The following CDH2 variants were observed in gnomAD, a reference collection of about 807,000 sequenced individuals.
The protein encoded by CDH2 is cadherin-2.
CDH2 carries 17 observed loss-of-function variants against 92.0 expected under a neutral mutation model. That is an observed-to-expected ratio of 0.18 (90% CI 0.13 to 0.28). CDH2 has a LOEUF of 0.28. Among genes scored for constraint, CDH2 ranks in the 10% least tolerant of loss-of-function variants. CDH2 has a pLI of 1.00. For missense variants in CDH2, 862 were observed against 1,133.1 expected, an observed-to-expected ratio of 0.76 and a Z score of 3.44; for synonymous variants, 419 against 415.9, an observed-to-expected ratio of 1.01 and a Z score of -0.09.
rs1333682107 is a variant in CDH2, at chr18:28,177,060, C to T, written c.-38G>A. 8.9e-7 allele frequency: 1 copy of T among 1,128,662 alleles called. No homozygotes were observed. Among genetic ancestry groups the T allele is most frequent in the Non-Finnish European group, 1.2e-6 (1 of 843,230 alleles). The allele number at this position is 1,128,662 out of a possible 1,614,324, so 69.9% of individuals were successfully genotyped here. Reference sequence around the variant, plus strand: ...GGGCCGAGCGAAGAGCCGGAGGAGGCGGCGGCGGCGGCGGCGGCGGCGGAG... The same window carrying T: ...GGGCCGAGCGAAGAGCCGGAGGAGGTGGCGGCGGCGGCGGCGGCGGCGGAG... On this transcript the variant is annotated 5_prime_UTR_variant, in exon 1 of 16. Coordinates refer to ENST00000269141, the MANE Select transcript of CDH2 (RefSeq NM_001792.5).
chr18:28,137,084 A>T (rs953885518), intron 2 of CDH2, among the ~76,000 whole-genome samples: 7 of 152,240 alleles, frequency 4.6e-5, no homozygotes, highest in African/African-American at 1.7e-4. Flanking sequence ...GCACAGAATA[A>T]GGTAGCAGTC....
intron 2 of CDH2, among the ~76,000 whole-genome samples, chr18:28,044,917 G>A (rs1365284166): frequency 1.3e-5 from 2 of 151,326 alleles, no homozygotes; most frequent in African/African-American, 2.4e-5. Flanking sequence ...TTCTATAAAT[G>A]AGATTCATTA....
intron 15 of CDH2, among the ~76,000 whole-genome samples, chr18:27,961,461 C>G (rs1027829580): frequency 6.6e-6 from 1 of 151,972 alleles, no homozygotes; most frequent in Admixed American, 6.6e-5. Flanking sequence ...TTGGCTGAAT[C>G]CTGAAGGCGA....
chr18:28,070,442 A>C (rs1322326249), intron 2 of CDH2, among the ~76,000 whole-genome samples: 1 of 152,212 alleles, frequency 6.6e-6, no homozygotes, highest in Non-Finnish European at 1.5e-5. Context: ...ACTGATTCCA[A>C]ATCAGATGCT....
chr18:27,949,447 A>G (rs952844723), downstream of CDH2, among the ~76,000 whole-genome samples: 3 of 152,026 alleles, frequency 2.0e-5, no homozygotes, highest in African/African-American at 7.2e-5. Flanking sequence ...AAAATTGGGA[A>G]CAACAAATTA....
chr18:28,014,551 T>C (rs1325846382), intron 2 of CDH2, among the ~76,000 whole-genome samples: 3 of 152,158 alleles, frequency 2.0e-5, no homozygotes, highest in African/African-American at 4.8e-5. Flanking sequence ...AATTTACAAA[T>C]TTCTATTCCT....
intron 2 of CDH2, among the ~76,000 whole-genome samples, chr18:28,111,766 G>A (rs764713057): frequency 1.3e-4 from 20 of 152,096 alleles, no homozygotes; most frequent in Non-Finnish European, 2.4e-4. Context: ...ATATGCAACA[G>A]GGAAAGATTA....
rs2012208817 is a variant in CDH2 at position 27,985,699 on chromosome 18, C to T, written c.1804G>A (p.Ala602Thr). The change falls in exon 12 of 16, where the codon GCC becomes ACC. Residue 602 changes from alanine to threonine, a missense_variant. Around this residue, in one of 5 missense-constraint regions of CDH2, gnomAD observed 564 missense variants for 722.2 expected, o/e 0.78. Transcript: ENST00000269141. ...GCCTCTTGAGGTAACACTTGAGGGG[C>T]ATTGTCATTAATATCAAGTAAATAG... ...QIYLLDINDN[A>T]PQVLPQEAET... 1 of 1,613,804 alleles carries T rather than the reference C, an allele frequency of 6.2e-7. No homozygotes were observed. The highest frequency in any genetic ancestry group is 1.3e-5 in the African/African-American group (1 of 74,906).
At chr18:27,943,938 A>T (rs146708832) in intron 6 of CDH2, among the ~76,000 whole-genome samples, 36 of 152,334 alleles carry the variant, frequency 2.4e-4, no homozygotes, top group Middle Eastern at 3.4e-3. Context: ...ACTGTGGGAC[A>T]AAAGGAAAAC....
chr18:28,132,397 G>T (rs1280253368), intron 2 of CDH2, among the ~76,000 whole-genome samples: 1 of 152,332 alleles, frequency 6.6e-6, no homozygotes, highest in African/African-American at 2.4e-5. Flanking sequence ...ACTCTGCCTG[G>T]AAGTGGATGA....
intron 6 of CDH2, among the ~76,000 whole-genome samples, chr18:27,934,184 G>A (rs1908968558): frequency 6.6e-6 from 1 of 152,222 alleles, no homozygotes; most frequent in Admixed American, 6.5e-5. Context: ...ACATTCACAT[G>A]CATATGGTCA....
At chr18:28,044,666 GAACA>G (rs2014034750) in intron 2 of CDH2, among the ~76,000 whole-genome samples, 2 of 151,964 alleles carry the variant, frequency 1.3e-5, no homozygotes, top group Non-Finnish European at 2.9e-5. Context: ...AAAACACAGT[GAACA>G]TTATTTTAAC....
chr18:28,038,721 A>G (rs1414844201), intron 2 of CDH2, among the ~76,000 whole-genome samples: 1 of 152,116 alleles, frequency 6.6e-6, no homozygotes, highest in Non-Finnish European at 1.5e-5. Flanking sequence ...GGTATTTTAC[A>G]AAATGTACTG....
chr18:28,150,237 A>G (rs1362678933), intron 1 of CDH2, among the ~76,000 whole-genome samples: 1 of 152,214 alleles, frequency 6.6e-6, no homozygotes, highest in Non-Finnish European at 1.5e-5. Context: ...GGAGCCCAGA[A>G]ACGCCGTGGC....
intron 2 of CDH2, among the ~76,000 whole-genome samples, chr18:28,030,667 G>A (rs1444915881): frequency 6.6e-6 from 1 of 152,062 alleles, no homozygotes; most frequent in East Asian, 1.9e-4. Context: ...TGGTACAGCA[G>A]CTAGGATGCC....
chr18:28,123,131 T>G, intron 2 of CDH2, among the ~76,000 whole-genome samples: 2 of 152,272 alleles, frequency 1.3e-5, no homozygotes, highest in Non-Finnish European at 2.9e-5. Flanking sequence ...TCTAAAATAC[T>G]ACTCCAAATA....
chr18:28,054,237 T>C (rs1416907921), intron 2 of CDH2, among the ~76,000 whole-genome samples: 2 of 152,092 alleles, frequency 1.3e-5, no homozygotes, highest in African/African-American at 4.8e-5. Flanking sequence ...ATAAGAACCA[T>C]GGACTCAGAA....
chr18:28,131,622 T>C (rs764583782), intron 2 of CDH2, among the ~76,000 whole-genome samples: 17 of 152,004 alleles, frequency 1.1e-4, no homozygotes, highest in Non-Finnish European at 2.1e-4. Context: ...AATTGGTCCA[T>C]TTTGAGAGAG....
chr18:28,006,425 AT>A (rs1272943277), intron 5 of CDH2, among the ~76,000 whole-genome samples: 1 of 152,146 alleles, frequency 6.6e-6, no homozygotes, highest in African/African-American at 2.4e-5. Context: ...GTAATTAAAA[AT>A]GTGAAAGTAG....
Sources: allele counts gnomAD v4.1 joint callset (sites outside exome capture counted in the v4.1 genomes callset), GRCh38; gene constraint gnomAD v4.1.1; regional missense constraint gnomAD v4.1.1; transcripts MANE v1.5; gene names NCBI Gene and HGNC (gene_info 2026-07-23, HGNC 2026-07-21).